The following FAAH variants were observed in gnomAD, a reference collection of about 807,000 sequenced individuals.
The protein encoded by FAAH is fatty acid amide hydrolase, also known as fatty-acid amide hydrolase 1.
A neutral mutation model predicts 69.7 loss-of-function variants in FAAH; 63 were observed. The observed-to-expected ratio is 0.90, with a 90% CI of 0.74 to 1.12. The LOEUF (loss-of-function observed/expected upper bound fraction) is 1.12, where lower values mean the gene tolerates loss of function less well. Ranked by LOEUF, FAAH falls within the 50% of genes most tolerant of loss-of-function variation. The pLI, the probability that FAAH is intolerant of heterozygous loss-of-function variation, is 0.00. For synonymous variants in FAAH, 305 were observed against 324.2 expected (o/e 0.94, Z 0.64); for missense variants, 680 against 755.0 (o/e 0.90, Z 1.16).
rs1664885672 is a variant in FAAH, at chr1:46,410,202, G to A, written c.1176-196G>A. ...CTGAGTCCTGCCTTGGGGAGCTCCC[G>A]TGGATGTGGGTTGCAGCCCAGGCAT... On this transcript the variant is annotated intron_variant, in intron 9 of 14. Coordinates refer to ENST00000243167, the MANE Select transcript of FAAH (RefSeq NM_001441.3). The surrounding 1 kb of genome is among the most constrained non-coding windows in gnomAD (Gnocchi z 4.9). The A allele has an allele frequency of 1.2e-5, 8 of 656,182 alleles. No individual in the cohort carries two copies. The highest frequency in any genetic ancestry group is 1.8e-5 in the African/African-American group (1 of 55,698). The allele number at this position is 656,182 out of a possible 1,614,324, so 40.6% of individuals were successfully genotyped here. A position where few individuals can be genotyped will look rare whatever the true frequency, so the allele number is the denominator to read the frequency against.
intron 1 of FAAH, among the ~76,000 whole-genome samples, chr1:46,395,245 C>T (rs536124135): frequency 6.6e-6 from 1 of 152,294 alleles, no homozygotes; most frequent in African/African-American, 2.4e-5. Context: ...GTTCAAGCTT[C>T]TTGATTTGTG....
Position 46,405,775 on chromosome 1 carries a change from C to A in FAAH, c.766C>A (p.Pro256Thr). 1 of 1,613,474 alleles carries A rather than the reference C, an allele frequency of 6.2e-7. No homozygotes were observed. Among genetic ancestry groups the A allele is most frequent in the East Asian group, 2.2e-5 (1 of 44,878 alleles). Residue 256 changes from proline (P) to threonine (T), a missense_variant, in exon 5 of 15, where the codon CCC becomes ACC. Pro to Thr is a conservative substitution (Grantham distance 38). Transcript: ENST00000243167. This position sits in a 1 kb window ranked among gnomAD's most constrained non-coding sequence, Gnocchi z 4.1. ...SSFCGICGLK[P>T]TGNRLSKSGL... is the part of the protein sequence containing the mutation. The stretch of plus-strand genomic sequence containing the variant: ...CTTCTGCGGCATCTGCGGCCTCAAG[C>A]CCACAGGGAACCGCCTCAGGTAAGG...
chr1:46,413,075 G>T lies in FAAH; in HGVS notation c.1466G>T (p.Gly489Val). Residue 489 changes from glycine to valine, a missense_variant and splice_region_variant, in exon 14 of 15, where the codon GGG becomes GTG. Coordinates refer to ENST00000243167, the MANE Select transcript of FAAH (RefSeq NM_001441.3). The part of the protein sequence containing the change: ...LDLNAPGRAT[G>V]AVSYTMLYNC... ...TGCAGCTGCCTGTAATGTGTTCCAG[G>T]GGCCGTCAGCTACACTATGCTGTAC... is the stretch of plus-strand genomic sequence containing the variant. 1.2e-6 allele frequency: 2 copies of T among 1,614,064 alleles called. No individual in the cohort carries two copies. The highest frequency in any genetic ancestry group is 1.7e-6 in the Non-Finnish European group (2 of 1,179,970).
Position 46,405,937 on chromosome 1 carries a change from C to G in FAAH, c.786-101C>G, listed in dbSNP as rs1664786099. ...ACAGTACCACTGGCCGGGCGTGGGT[C>G]CTAGTTTCCAAAGCGGTGAGTGTTC... On this transcript the variant is annotated intron_variant, in intron 5 of 14. Transcript: ENST00000243167. This position sits in a 1 kb window ranked among gnomAD's most constrained non-coding sequence, Gnocchi z 4.1. The G allele has an allele frequency of 6.2e-7, 1 of 1,612,446 alleles. No homozygotes were observed. The highest frequency in any genetic ancestry group is 1.7e-5 in the Admixed American group (1 of 59,998).
In FAAH at chr1:46,410,520, G is replaced by C; in HGVS notation, c.1275+23G>C. On this transcript the variant is annotated intron_variant, in intron 10 of 14. Coordinates refer to ENST00000243167, the MANE Select transcript of FAAH (RefSeq NM_001441.3). This position sits in a 1 kb window ranked among gnomAD's most constrained non-coding sequence, Gnocchi z 4.9. ...CTGGTGAGGGCACAAGGAGTGGAGG[G>C]GCTAGGATGGCTGGGGGGGAACCTA... is the stretch of plus-strand genomic sequence containing the variant. The C allele has an allele frequency of 6.3e-7, 1 of 1,597,442 alleles. No individual in the cohort carries two copies. The highest frequency in any genetic ancestry group is 8.6e-7 in the Non-Finnish European group (1 of 1,165,198).
In FAAH at chr1:46,413,478, C is replaced by T; in HGVS notation, c.1643C>T (p.Ala548Val). 1.2e-6 allele frequency: 2 copies of T among 1,614,080 alleles called. No homozygotes were observed. The highest frequency in any genetic ancestry group is 8.5e-7 in the Non-Finnish European group (1 of 1,180,006). Reference sequence around the variant, plus strand: ...AAGAAGAGTGTGGGGCTGCCGGTGGCCGTGCAGTGTGTGGCTCTGCCCTGG... The same window carrying T: ...AAGAAGAGTGTGGGGCTGCCGGTGGTCGTGCAGTGTGTGGCTCTGCCCTGG... ...GMKKSVGLPVAVQCVALPWQE... is the reference protein window; with the variant it reads ...GMKKSVGLPVVVQCVALPWQE... The change falls in exon 15 of 15, where the codon GCC becomes GTC. Residue 548 changes from alanine to valine, a missense_variant. Physicochemically the swap from Ala to Val is moderately conservative, Grantham distance 64 (BLOSUM62 0). Coordinates refer to ENST00000243167, the MANE Select transcript of FAAH (RefSeq NM_001441.3).
At chr1:46,401,180 A>G (rs1162708554) in intron 1 of FAAH, among the ~76,000 whole-genome samples, 2 of 108,020 alleles carry the variant, frequency 1.9e-5, no homozygotes, top group African/African-American at 7.4e-5. Context: ...GAGGAGTAGA[A>G]GCAGGGTTGG....
rs561659089 is a variant in FAAH at position 46,405,887 on chromosome 1, C to T, written c.785+93C>T. On this transcript the variant is annotated intron_variant, in intron 5 of 14. Coordinates refer to ENST00000243167, the MANE Select transcript of FAAH (RefSeq NM_001441.3). This position sits in a 1 kb window ranked among gnomAD's most constrained non-coding sequence, Gnocchi z 4.1. ...GGGCTCCAGGCGGGGATTCGGTCTC[C>T]GGGGTTTTGCTGGGAGGAAGCATTA... 1.2e-5 allele frequency: 19 copies of T among 1,606,410 alleles called. No homozygotes were observed. Among genetic ancestry groups the T allele is most frequent in the East Asian group, 2.2e-5 (1 of 44,630 alleles).
intron 1 of FAAH, among the ~76,000 whole-genome samples, chr1:46,396,753 A>C (rs967048903): frequency 2.0e-5 from 3 of 152,162 alleles, no homozygotes; most frequent in African/African-American, 7.2e-5. Context: ...AGGCAGAAGA[A>C]TTTCTCTTAG....
chr1:46,409,824 G>A (rs754676876), intron 9 of FAAH, among the ~76,000 whole-genome samples: 10 of 152,058 alleles, frequency 6.6e-5, no homozygotes, highest in Admixed American at 3.9e-4. Context: ...GGAGAACTTG[G>A]CCCTGCAGCC....
rs199748056 is a variant in FAAH at position 46,405,415 on chromosome 1, C to T, written c.488C>T (p.Pro163Leu). ...GGCTTGAGCCTGAATGAAGGGGTGC[C>T]GGCGGAGTGCGACAGCGTAGTGGTG... is the stretch of plus-strand genomic sequence containing the variant. ...TLGLSLNEGVPAECDSVVVHV... is the reference protein window; with the variant it reads ...TLGLSLNEGVLAECDSVVVHV... The change falls in exon 4 of 15, where the codon CCG becomes CTG. Residue 163 changes from proline (P) to leucine (L), a missense_variant. Pro to Leu is a moderately conservative substitution (Grantham distance 98). Transcript: ENST00000243167. This position sits in a 1 kb window ranked among gnomAD's most constrained non-coding sequence, Gnocchi z 4.1. 3.3e-5 allele frequency: 53 copies of T among 1,610,836 alleles called. No individual in the cohort carries two copies. The highest frequency in any genetic ancestry group is 5.3e-5 in the African/African-American group (4 of 74,812).
chr1:46,395,437 C>T (rs1423931454), intron 1 of FAAH, among the ~76,000 whole-genome samples: 1 of 152,192 alleles, frequency 6.6e-6, no homozygotes, highest in Non-Finnish European at 1.5e-5. Context: ...AAGCTTTTCT[C>T]CCTGCGCTGC....
intron 9 of FAAH, 182 bp downstream of exon 9, chr1:46,409,380 G>A: frequency 3.1e-6 from 2 of 641,314 alleles, no homozygotes; most frequent in Non-Finnish European, 5.8e-6. Context: ...TCCCTTGCCA[G>A]GGTGCCAGCC....
In FAAH at chr1:46,413,124, G is replaced by C. The variant is rs748702179; in HGVS notation, c.1515G>C (p.Gly505=). Residue 505 remains glycine, a synonymous_variant, in exon 14 of 15, where the codon GGG becomes GGC. Transcript: ENST00000243167. ...MLYNCLDFPA[G]VVPVTTVTAE... ...ACAACTGCCTGGACTTCCCTGCAGG[G>C]GTGGTGCCTGTCACCACGGTGACTG... 25 of 1,614,062 alleles carry C rather than the reference G, an allele frequency of 1.5e-5. No individual in the cohort carries two copies. In the Admixed American group the frequency reaches 4.2e-4, roughly 27 times the overall value.
At chr1:46,394,615 C>T (rs1664564430) in intron 1 of FAAH, 72 bp downstream of exon 1, 1 of 1,220,516 alleles carries the variant, frequency 8.2e-7, no homozygotes, top group East Asian at 3.2e-5. Context: ...CCGCCGGACC[C>T]GCCGAGGGAC....
intron 7 of FAAH, 80 bp from the exon 8 acceptor site, chr1:46,408,379 G>C: frequency 2.5e-6 from 4 of 1,597,706 alleles, no homozygotes; most frequent in Middle Eastern, 1.7e-4. Flanking sequence ...CTGGGGCTGA[G>C]TAGTTTCTCT....
At chr1:46,407,620 C>T (rs1347573240) in intron 7 of FAAH, among the ~76,000 whole-genome samples, 3 of 152,000 alleles carry the variant, frequency 2.0e-5, no homozygotes, top group African/African-American at 4.8e-5. Flanking sequence ...TCTCTGTGTG[C>T]GTTGGGGTTG....
intron 1 of FAAH, among the ~76,000 whole-genome samples, chr1:46,395,173 T>A (rs1664575006): frequency 6.6e-6 from 1 of 152,176 alleles, no homozygotes; most frequent in Admixed American, 6.5e-5. Context: ...ACGCCTGACC[T>A]CAGTTGATAC....
rs199593016 is a variant in FAAH, at chr1:46,413,801, C to T, written c.*226C>T. The T allele has an allele frequency of 4.8e-5, 29 of 600,576 alleles. No individual in the cohort carries two copies. Among genetic ancestry groups the T allele is most frequent in the Admixed American group, 5.3e-5 (2 of 38,066 alleles). 37.2% of individuals were successfully genotyped at this position (600,576 alleles called of 1,614,324 possible). On this transcript the variant is annotated 3_prime_UTR_variant, in exon 15 of 15. Coordinates refer to ENST00000243167, the MANE Select transcript of FAAH (RefSeq NM_001441.3). ...ATCCCTCCACCCCCATGTGGCAGCC[C>T]ATGGGTATGACATAGGCCAAGGCCC...
Sources: gnomAD v4.1 joint callset for allele counts (sites outside exome capture counted in the v4.1 genomes callset) on GRCh38, gnomAD v4.1.1 for gene constraint, Gnocchi (gnomAD v3.1) non-coding constraint, MANE v1.5 for transcripts, NCBI Gene and HGNC (gene_info 2026-07-23, HGNC 2026-07-21) for gene names.